The following FGF18 variants were observed in gnomAD, a reference collection of about 807,000 sequenced individuals.
FGF18 encodes the protein fibroblast growth factor 18.
In FGF18, 5 loss-of-function variants were observed where a neutral mutation model predicts 23.0. The ratio of observed to expected loss-of-function variants is 0.22; its 90% confidence interval spans 0.11 to 0.46. The LOEUF (loss-of-function observed/expected upper bound fraction) is 0.46. Ranked by LOEUF, FGF18 falls within the 20% of genes least tolerant of loss-of-function variation. The pLI, the probability that FGF18 is intolerant of heterozygous loss-of-function variation, is 0.99. For missense variants in FGF18, 180 were observed against 291.6 expected, an observed-to-expected ratio of 0.62 and a Z score of 2.79; for synonymous variants, 117 against 118.9, an observed-to-expected ratio of 0.98 and a Z score of 0.10.
intron 2 of FGF18, among the ~76,000 whole-genome samples, chr5:171,421,452 C>T (rs923218705): frequency 1.3e-5 from 2 of 152,158 alleles, no homozygotes; most frequent in African/African-American, 4.8e-5. Context: ...GTTGTCTGAC[C>T]CTTCCCCCTC....
chr5:171,426,400 A>C (rs1347603946), intron 2 of FGF18, among the ~76,000 whole-genome samples: 5 of 152,166 alleles, frequency 3.3e-5, no homozygotes, highest in Admixed American at 2.6e-4. Flanking sequence ...CTCTTCTCTA[A>C]CTCATAAGAC....
chr5:171,429,702 G>A (rs1277128833), intron 2 of FGF18, among the ~76,000 whole-genome samples: 1 of 152,248 alleles, frequency 6.6e-6, no homozygotes, highest in Non-Finnish European at 1.5e-5. Context: ...AGGTTGCCTG[G>A]AGACAGGAGC....
In FGF18 at chr5:171,434,691, G is replaced by A; in HGVS notation, c.70-1402G>A. 6.6e-6 allele frequency among the ~76,000 whole-genome samples: 1 copy of A among 152,134 alleles called. No individual in the cohort carries two copies. Among genetic ancestry groups the A allele is most frequent in the East Asian group, 1.9e-4 (1 of 5,190 alleles). ...GCTCCAATGGTAAATGGCACAGCAG[G>A]ACTCCAGGTCTTTTCAACATTTGTT... is the stretch of plus-strand genomic sequence containing the variant. On this transcript the variant is annotated intron_variant, in intron 2 of 4. Transcript: ENST00000274625. This position sits in a 1 kb window ranked among gnomAD's most constrained non-coding sequence, Gnocchi z 4.6.
rs1772500423 is a variant in FGF18, at chr5:171,451,096, G to A, written c.357+1843G>A. On this transcript the variant is annotated intron_variant, in intron 4 of 4. Transcript: ENST00000274625. This position sits in a 1 kb window ranked among gnomAD's most constrained non-coding sequence, Gnocchi z 4.5. ...GCCGCCTCCCGCCCGCGGGCGAGCC[G>A]CTGAGTCACCGCTTCCACAGGAGCC... 7.8e-6 allele frequency among the ~76,000 whole-genome samples: 1 copy of A among 128,660 alleles called. No individual in the cohort carries two copies. The highest frequency in any genetic ancestry group is 1.6e-5 in the Non-Finnish European group (1 of 62,858). The allele number at this position is 128,660 out of a possible 152,430, so 84.4% of individuals were successfully genotyped here. A position where few individuals can be genotyped will look rare whatever the true frequency, so the allele number is the denominator to read the frequency against.
At chr5:171,428,610 C>T (rs1772132972) in intron 2 of FGF18, among the ~76,000 whole-genome samples, 1 of 152,344 alleles carries the variant, frequency 6.6e-6, no homozygotes, top group South Asian at 2.1e-4. Flanking sequence ...AGGGATCAGC[C>T]TGGTGGACTC....
intron 4 of FGF18, among the ~76,000 whole-genome samples, chr5:171,450,719 C>G (rs938606111): frequency 6.6e-6 from 1 of 151,934 alleles, no homozygotes; most frequent in African/African-American, 2.4e-5. Flanking sequence ...CGAGGGGGGT[C>G]GGGGCCGGGG....
intron 2 of FGF18, among the ~76,000 whole-genome samples, chr5:171,423,247 T>C (rs554879311): frequency 7.9e-5 from 12 of 152,276 alleles, no homozygotes; most frequent in African/African-American, 2.6e-4. Flanking sequence ...GGGAATTTAA[T>C]AAAATCCCTT....
At chr5:171,454,551 C>T (rs58090847) in intron 4 of FGF18, among the ~76,000 whole-genome samples, 3 of 152,294 alleles carry the variant, frequency 2.0e-5, no homozygotes, top group Non-Finnish European at 2.9e-5. Flanking sequence ...GCAGCCTCCT[C>T]GAAAGATCTC....
rs1772215750 is a variant in FGF18 at position 171,434,154 on chromosome 5, C to T, written c.70-1939C>T. ...CAAGGCAGTGGCCTGGGGCTGCCCGCAGGGGTGGGGCACAGGAAACACAGT... is the reference window on the plus strand; with the variant it reads ...CAAGGCAGTGGCCTGGGGCTGCCCGTAGGGGTGGGGCACAGGAAACACAGT... On this transcript the variant is annotated intron_variant, in intron 2 of 4. Coordinates refer to ENST00000274625, the MANE Select transcript of FGF18 (RefSeq NM_003862.3). This position sits in a 1 kb window ranked among gnomAD's most constrained non-coding sequence, Gnocchi z 4.6. 6.6e-6 allele frequency among the ~76,000 whole-genome samples: 1 copy of T among 152,190 alleles called. No homozygotes were observed. Among genetic ancestry groups the T allele is most frequent in the African/African-American group, 2.4e-5 (1 of 41,442 alleles).
At chr5:171,439,583 G>C (rs1439064268) in intron 3 of FGF18, among the ~76,000 whole-genome samples, 2 of 152,228 alleles carry the variant, frequency 1.3e-5, no homozygotes, top group African/African-American at 4.8e-5. Context: ...TCCAGCTGCA[G>C]CTCTGCCAGG....
chr5:171,436,351 T>C lies in FGF18; in HGVS notation c.250+78T>C. On this transcript the variant is annotated intron_variant, in intron 3 of 4. Coordinates refer to ENST00000274625, the MANE Select transcript of FGF18 (RefSeq NM_003862.3). The surrounding 1 kb of genome is among the most constrained non-coding windows in gnomAD (Gnocchi z 4.4). ...TGGCCTCAGAGACCTCAAGTTCAAA[T>C]GCCAGCCTTGCTGCTCCTGGCTGTG... is the stretch of plus-strand genomic sequence containing the variant. 8 of 1,175,642 alleles carry C rather than the reference T, an allele frequency of 6.8e-6. No individual in the cohort carries two copies. The highest frequency in any genetic ancestry group is 7.9e-6 in the Non-Finnish European group (7 of 881,728). The allele number at this position is 1,175,642 out of a possible 1,614,324, so 72.8% of individuals were successfully genotyped here.
At chr5:171,450,433 G>A (rs7725569) in intron 4 of FGF18, among the ~76,000 whole-genome samples, 148,606 of 152,290 alleles carry the variant, frequency 0.98, 72,591 homozygotes, top group East Asian at 1. Context: ...AACGCTCCCA[G>A]TGAATCCCAG....
rs1772323917 is a variant in FGF18, at chr5:171,440,348, C to A, written c.250+4075C>A. On this transcript the variant is annotated intron_variant, in intron 3 of 4. Coordinates refer to ENST00000274625, the MANE Select transcript of FGF18 (RefSeq NM_003862.3). The surrounding 1 kb of genome is among the most constrained non-coding windows in gnomAD (Gnocchi z 4.0). ...CCTGTCTGCTGTCAGTGGGACCTGG[C>A]AGGTTAGATGCAGGTAGAAGAGTCG... 6.6e-6 allele frequency among the ~76,000 whole-genome samples: 1 copy of A among 152,012 alleles called. No homozygotes were observed. The highest frequency in any genetic ancestry group is 2.4e-5 in the African/African-American group (1 of 41,386).
intron 4 of FGF18, among the ~76,000 whole-genome samples, chr5:171,454,192 G>C (rs1772551805): frequency 6.6e-6 from 1 of 152,138 alleles, no homozygotes; most frequent in Non-Finnish European, 1.5e-5. Context: ...GGAGATAAAG[G>C]GAAGTCCTGG....
intron 3 of FGF18, among the ~76,000 whole-genome samples, chr5:171,448,431 G>A (rs189702081): frequency 1.3e-5 from 2 of 152,338 alleles, no homozygotes; most frequent in Admixed American, 1.3e-4. Context: ...GGCACTAGCA[G>A]GGGCTCCAGA....
intron 2 of FGF18, among the ~76,000 whole-genome samples, chr5:171,430,229 G>T (rs1239184450): frequency 6.7e-6 from 1 of 150,248 alleles, no homozygotes; most frequent in African/African-American, 2.5e-5. Context: ...GCGGTGGCAG[G>T]CGCCTGTAAT....
intron 1 of FGF18, 67 bp downstream of exon 1, chr5:171,420,298 C>CTCTG (rs1012601276): frequency 1.2e-6 from 2 of 1,607,176 alleles, no homozygotes; most frequent in African/African-American, 2.7e-5. Context: ...TGCCCTGTAC[C>CTCTG]TCTGTCTGCC....
intron 2 of FGF18, among the ~76,000 whole-genome samples, chr5:171,425,530 T>TG (rs1491424775): frequency 1.4e-4 from 10 of 70,406 alleles, no homozygotes; most frequent in Non-Finnish European, 3.0e-4. Flanking sequence ...CGCCATGTGC[T>TG]TTTTTTTTTT....
At chr5:171,447,173 G>A (rs1030508773) in intron 3 of FGF18, among the ~76,000 whole-genome samples, 4 of 152,148 alleles carry the variant, frequency 2.6e-5, no homozygotes, top group African/African-American at 9.7e-5. Context: ...AAGAAACTGA[G>A]GGCCACAGTC....
Sources: gnomAD v4.1 joint callset for allele counts (sites outside exome capture counted in the v4.1 genomes callset) on GRCh38, gnomAD v4.1.1 for gene constraint, Gnocchi (gnomAD v3.1) non-coding constraint, MANE v1.5 for transcripts, NCBI Gene and HGNC (gene_info 2026-07-23, HGNC 2026-07-21) for gene names.